RBFOX1: variants seen among roughly 807,000 people sequenced by gnomAD.
RBFOX1 encodes RNA binding protein fox-1 homolog 1.
In RBFOX1, 8 loss-of-function variants were observed where a neutral mutation model predicts 57.7. The observed-to-expected ratio is 0.14, with a 90% CI of 0.08 to 0.25. The LOEUF is 0.25. Among genes scored for constraint, RBFOX1 ranks in the 10% least tolerant of loss-of-function variants. The pLI is 1.00. For missense variants in RBFOX1, 611 were observed against 548.5 expected, an observed-to-expected ratio of 1.11 and a Z score of -1.14; for synonymous variants, 326 against 222.4, an observed-to-expected ratio of 1.47 and a Z score of -4.15.
At position 6,694,407 on chromosome 16, in the gene RBFOX1, G is replaced by T. The variant is rs115252202; in HGVS notation, c.-16+39757G>T. On this transcript the variant is annotated intron_variant, in intron 3 of 15. Transcript: ENST00000550418. ...CCAAATTCCACTATAAACACAAGAA[G>T]AAAAAACTGGTTGGTCTTACCATGT... Among the ~76,000 whole-genome samples the T allele has an allele frequency of 4.4e-3, 677 of 152,272 alleles. 8 individuals carry two copies. Among genetic ancestry groups the T allele is most frequent in the African/African-American group, 0.015 (611 of 41,552 alleles).
rs145372858 is a variant in RBFOX1 at position 6,679,960 on chromosome 16, T to G, written c.-16+25310T>G. Reference sequence around the variant, plus strand: ...TCATGGAGTTCTTTAAAGTAGTGTTTTTATATAATCTGCCTGACAGGCAAG... The same window carrying G: ...TCATGGAGTTCTTTAAAGTAGTGTTGTTATATAATCTGCCTGACAGGCAAG... On this transcript the variant is annotated intron_variant, in intron 3 of 15. Coordinates refer to ENST00000550418, the MANE Select transcript of RBFOX1 (RefSeq NM_018723.4). 1.6e-3 allele frequency among the ~76,000 whole-genome samples: 243 copies of G among 151,316 alleles called. No homozygotes were observed. In the East Asian group the frequency reaches 0.027, roughly 17 times the overall value.
intron 3 of RBFOX1, among the ~76,000 whole-genome samples, chr16:6,951,426 C>T (rs1281868877): frequency 6.6e-6 from 1 of 152,086 alleles, no homozygotes; most frequent in Admixed American, 6.6e-5. Context: ...ACTTAAGAAT[C>T]TCATAATGGA....
intron 2 of RBFOX1, among the ~76,000 whole-genome samples, chr16:5,529,671 A>G (rs904248343): frequency 5.4e-4 from 82 of 151,466 alleles, no homozygotes; most frequent in African/African-American, 1.8e-3. Context: ...GGTTTAAGCC[A>G]TTCTCCTGCC....
At chr16:5,915,409 A>C (rs573065146) in intron 4 of RBFOX1, among the ~76,000 whole-genome samples, 12 of 152,322 alleles carry the variant, frequency 7.9e-5, no homozygotes, top group Admixed American at 7.8e-4. Context: ...TTGTACCTAA[A>C]TGATGTTCAT....
At chr16:6,878,301 A>C (rs940050254) in intron 3 of RBFOX1, among the ~76,000 whole-genome samples, 1 of 152,178 alleles carries the variant, frequency 6.6e-6, no homozygotes, top group Non-Finnish European at 1.5e-5. Context: ...TGGCTAATGA[A>C]CTATAAATGA....
At chr16:6,593,501 T>G (rs1336851497) in intron 2 of RBFOX1, among the ~76,000 whole-genome samples, 2 of 152,174 alleles carry the variant, frequency 1.3e-5, no homozygotes, top group Non-Finnish European at 2.9e-5. Flanking sequence ...GAGGGAGAAT[T>G]GAGCCTCAGG....
intron 1 of RBFOX1, among the ~76,000 whole-genome samples, chr16:6,260,179 A>G (rs539140645): frequency 1.9e-4 from 29 of 152,288 alleles, no homozygotes; most frequent in South Asian, 2.1e-4. Context: ...CCCATTGAAA[A>G]TAATTCTGTA....
chr16:7,604,868 C>G (rs4238883), intron 9 of RBFOX1, among the ~76,000 whole-genome samples: 112,935 of 152,064 alleles, frequency 0.74, 42,810 homozygotes, highest in Admixed American at 0.84. Flanking sequence ...ATTCAAGAAA[C>G]AAGACCTGAG....
At chr16:7,313,298 G>T (rs954063880) in intron 4 of RBFOX1, among the ~76,000 whole-genome samples, 13 of 152,188 alleles carry the variant, frequency 8.5e-5, no homozygotes, top group African/African-American at 3.1e-4. Flanking sequence ...CCCCCTAAGG[G>T]TTTGCAATGA....
intron 1 of RBFOX1, among the ~76,000 whole-genome samples, chr16:6,121,217 C>T (rs17802989): frequency 0.045 from 6,812 of 152,214 alleles, 181 homozygotes; most frequent in Middle Eastern, 0.15. Context: ...GTACAAGACA[C>T]GCCTGAAGAG....
chr16:7,651,383 G>C (rs1597330695), intron 11 of RBFOX1, among the ~76,000 whole-genome samples: 1 of 152,178 alleles, frequency 6.6e-6, no homozygotes, highest in South Asian at 2.1e-4. Flanking sequence ...CCTATCTATG[G>C]GTGTAGGTGT....
chr16:7,644,382 G>C (rs984704648), intron 11 of RBFOX1, among the ~76,000 whole-genome samples: 3 of 152,166 alleles, frequency 2.0e-5, no homozygotes, highest in African/African-American at 7.2e-5. Context: ...GAGCCTCAGA[G>C]GTTGGAATTT....
At chr16:5,520,833 G>A (rs1009717935) in intron 2 of RBFOX1, among the ~76,000 whole-genome samples, 1 of 152,182 alleles carries the variant, frequency 6.6e-6, no homozygotes, top group African/African-American at 2.4e-5. Context: ...GCAGTTATGT[G>A]CTTAGACTTG....
intron 1 of RBFOX1, among the ~76,000 whole-genome samples, chr16:5,349,452 T>A (rs1490210356): frequency 1.3e-5 from 2 of 152,164 alleles, no homozygotes; most frequent in Non-Finnish European, 2.9e-5. Flanking sequence ...GGCCAGCGGA[T>A]TACTCAAGGT....
intron 4 of RBFOX1, among the ~76,000 whole-genome samples, chr16:7,508,681 G>C (rs574216130): frequency 6.6e-6 from 1 of 152,098 alleles, no homozygotes; most frequent in African/African-American, 2.4e-5. Flanking sequence ...GTAGAGCTGG[G>C]AATTAAAAAG....
intron 3 of RBFOX1, among the ~76,000 whole-genome samples, chr16:6,674,814 A>G (rs1206381284): frequency 6.6e-6 from 1 of 152,068 alleles, no homozygotes; most frequent in African/African-American, 2.4e-5. Flanking sequence ...AGAAAACAAG[A>G]CCCTATTAGG....
intron 1 of RBFOX1, among the ~76,000 whole-genome samples, chr16:6,054,211 G>T (rs899800037): frequency 6.6e-6 from 1 of 152,056 alleles, no homozygotes; most frequent in Non-Finnish European, 1.5e-5. Context: ...ATTTCATCCT[G>T]CTCTGCTTAT....
intron 1 of RBFOX1, among the ~76,000 whole-genome samples, chr16:6,111,954 C>G (rs2096451566): frequency 6.6e-6 from 1 of 152,014 alleles, no homozygotes; most frequent in African/African-American, 2.4e-5. Context: ...GAAACATATG[C>G]TAAAGGTGTG....
intron 1 of RBFOX1, among the ~76,000 whole-genome samples, chr16:5,243,409 G>A (rs2878022): frequency 0.29 from 44,193 of 152,074 alleles, 6,970 homozygotes; most frequent in South Asian, 0.42. Flanking sequence ...AGGAGCATCC[G>A]CGTTGCAGGT....
Sources: allele counts gnomAD v4.1 joint callset (sites outside exome capture counted in the v4.1 genomes callset), GRCh38; gene constraint gnomAD v4.1.1; transcripts MANE v1.5; gene names NCBI Gene and HGNC (gene_info 2026-07-23, HGNC 2026-07-21).